Variants in PLCB1 observed in about 807,000 individuals in gnomAD.
PLCB1 encodes phospholipase C beta 1.
A neutral mutation model predicts 161.8 loss-of-function variants in PLCB1; 46 were observed. That is an observed-to-expected ratio of 0.28 (90% CI 0.22 to 0.36). The LOEUF is 0.36. Ranked by LOEUF, PLCB1 falls within the 10% of genes least tolerant of loss-of-function variation. The pLI is 1.00. For missense variants in PLCB1, 1,016 were observed against 1,472.5 expected (o/e 0.69, Z 5.07); for synonymous variants, 517 against 503.7 (o/e 1.03, Z -0.35).
chr20:8,755,173 TA>T (rs1981676999), intron 23 of PLCB1, among the ~76,000 whole-genome samples: 1 of 152,188 alleles, frequency 6.6e-6, no homozygotes, highest in African/African-American at 2.4e-5. Context: ...TGAATTAAAA[TA>T]AGTTCTGCCA....
At chr20:8,217,238 A>AG in intron 2 of PLCB1, among the ~76,000 whole-genome samples, 1 of 152,140 alleles carries the variant, frequency 6.6e-6, no homozygotes, top group Non-Finnish European at 1.5e-5. Context: ...TGAAGATTCT[A>AG]GGGCTAGTGG....
intron 2 of PLCB1, among the ~76,000 whole-genome samples, chr20:8,181,017 G>A (rs1273684309): frequency 2.0e-5 from 3 of 151,828 alleles, no homozygotes; most frequent in South Asian, 2.1e-4. Context: ...TTGGGAGGCC[G>A]AGAGAGGCGG....
At chr20:8,856,743 C>A (rs1415176698) in intron 31 of PLCB1, among the ~76,000 whole-genome samples, 4 of 152,120 alleles carry the variant, frequency 2.6e-5, no homozygotes, top group Non-Finnish European at 5.9e-5. Context: ...TGGAAGGTGG[C>A]AGGTAGAGGT....
intron 3 of PLCB1, among the ~76,000 whole-genome samples, chr20:8,609,190 G>C (rs6055945): frequency 0.012 from 1,867 of 152,268 alleles, 38 homozygotes; most frequent in African/African-American, 0.043. Flanking sequence ...TATTAGGTTG[G>C]TGCAAAAGTA....
chr20:8,791,079 A>G (rs1024503760), intron 31 of PLCB1, among the ~76,000 whole-genome samples: 1 of 152,142 alleles, frequency 6.6e-6, no homozygotes, highest in Non-Finnish European at 1.5e-5. Context: ...TGTTTCATTC[A>G]CCAGTTTACT....
intron 3 of PLCB1, among the ~76,000 whole-genome samples, chr20:8,566,955 T>C (rs1986356515): frequency 1.3e-5 from 2 of 152,168 alleles, no homozygotes; most frequent in African/African-American, 4.8e-5. Flanking sequence ...TGTGTTGGTA[T>C]GCAATAGCAA....
At chr20:8,413,814 G>A (rs751347085) in intron 3 of PLCB1, among the ~76,000 whole-genome samples, 1 of 152,142 alleles carries the variant, frequency 6.6e-6, no homozygotes, top group Non-Finnish European at 1.5e-5. Flanking sequence ...AGAATAATTG[G>A]TCTAGCACCA....
At chr20:8,195,188 A>G (rs2052008448) in intron 2 of PLCB1, among the ~76,000 whole-genome samples, 1 of 152,032 alleles carries the variant, frequency 6.6e-6, no homozygotes, top group South Asian at 2.1e-4. Context: ...AAAATCTTTT[A>G]GGAAAATAAG....
At chr20:8,316,317 G>T (rs1447640877) in intron 2 of PLCB1, among the ~76,000 whole-genome samples, 2 of 152,066 alleles carry the variant, frequency 1.3e-5, no homozygotes, top group Non-Finnish European at 2.9e-5. Flanking sequence ...CAAAATCAGT[G>T]AATGAGCCAG....
chr20:8,809,206 CA>C (rs1255665850), intron 31 of PLCB1, among the ~76,000 whole-genome samples: 1 of 151,972 alleles, frequency 6.6e-6, no homozygotes, highest in Non-Finnish European at 1.5e-5. Flanking sequence ...GGAGTTTTGC[CA>C]TGTTGCCCAG....
chr20:8,721,447 C>T (rs758500254), intron 14 of PLCB1, among the ~76,000 whole-genome samples: 33 of 152,170 alleles, frequency 2.2e-4, no homozygotes, highest in Non-Finnish European at 4.4e-4. Context: ...CTGGGTCTGA[C>T]TGAAGCCCAT....
rs544310555 is a variant in PLCB1 at position 8,661,214 on chromosome 20, C to G, written c.862+2510C>G. Among the ~76,000 whole-genome samples, 647 of 152,202 alleles carry G rather than the reference C, an allele frequency of 4.3e-3. 2 individuals are homozygous for G. Among genetic ancestry groups the G allele is most frequent in the African/African-American group, 0.015 (624 of 41,526 alleles). On this transcript the variant is annotated intron_variant, in intron 9 of 31. Coordinates refer to ENST00000338037, the MANE Select transcript of PLCB1 (RefSeq NM_015192.4). ...TTTCCCCAGCACCTAGAAGATGCAC[C>G]TGCTCATGATGAAATCCTTAATGTA...
At chr20:8,399,674 A>T (rs529372103) in intron 3 of PLCB1, among the ~76,000 whole-genome samples, 82 of 152,244 alleles carry the variant, frequency 5.4e-4, no homozygotes, top group African/African-American at 1.9e-3. Context: ...TTTCCCTAAG[A>T]CAATTTTTGT....
intron 2 of PLCB1, among the ~76,000 whole-genome samples, chr20:8,241,471 A>G (rs534484982): frequency 1.3e-5 from 2 of 151,836 alleles, no homozygotes; most frequent in Non-Finnish European, 2.9e-5. Context: ...GAAAACTATT[A>G]TGTCTTTGTA....
intron 5 of PLCB1, 49 bp downstream of exon 5, chr20:8,646,230 G>T (rs2123286327): frequency 8.2e-7 from 1 of 1,225,158 alleles, no homozygotes; most frequent in Middle Eastern, 1.9e-4. Flanking sequence ...TTCTGAGTCA[G>T]TTTCCTTTCT....
chr20:8,683,488 A>C (rs1055260647), intron 9 of PLCB1, among the ~76,000 whole-genome samples: 1 of 152,294 alleles, frequency 6.6e-6, no homozygotes, highest in Admixed American at 6.5e-5. Context: ...GTCAAGATTG[A>C]AGAAACAAAT....
chr20:8,688,837 T>C (rs986521557), intron 10 of PLCB1, among the ~76,000 whole-genome samples: 17 of 152,198 alleles, frequency 1.1e-4, no homozygotes, highest in African/African-American at 1.7e-4. Context: ...GGCTATTTTT[T>C]GGTTCCGTAT....
intron 4 of PLCB1, among the ~76,000 whole-genome samples, chr20:8,635,268 A>AAAGGAAAGG: frequency 6.6e-6 from 1 of 152,182 alleles, no homozygotes; most frequent in East Asian, 1.9e-4. Context: ...AAAGGAAGGG[A>AAAGGAAAGG]AAGGAAAGGA....
At chr20:8,618,921 G>A (rs1456487184) in intron 3 of PLCB1, among the ~76,000 whole-genome samples, 1 of 152,018 alleles carries the variant, frequency 6.6e-6, no homozygotes, top group Non-Finnish European at 1.5e-5. Context: ...TGTATCTAGA[G>A]TAACACAAAA....
Sources: gnomAD v4.1 joint callset for allele counts (sites outside exome capture counted in the v4.1 genomes callset) on GRCh38, gnomAD v4.1.1 for gene constraint, MANE v1.5 for transcripts, NCBI Gene and HGNC (gene_info 2026-07-23, HGNC 2026-07-21) for gene names.